Variants in TP53BP2 observed in about 807,000 individuals in gnomAD.
TP53BP2 encodes apoptosis-stimulating of p53 protein 2.
In TP53BP2, 62 loss-of-function variants were observed where a neutral mutation model predicts 126.2. The ratio of observed to expected loss-of-function variants is 0.49; its 90% confidence interval spans 0.40 to 0.61. TP53BP2 has a LOEUF of 0.61. Ranked by LOEUF, TP53BP2 falls within the 20% of genes least tolerant of loss-of-function variation. The probability of loss-of-function intolerance (pLI) is 0.00; values close to 1 mark genes in which losing one functional copy is unlikely to be tolerated. For synonymous variants in TP53BP2, 485 were observed against 502.9 expected (o/e 0.96, Z 0.48); for missense variants, 1,215 against 1,402.8 (o/e 0.87, Z 2.14).
intron 5 of TP53BP2, among the ~76,000 whole-genome samples, chr1:223,805,471 G>A (rs1367511346): frequency 2.6e-5 from 4 of 152,180 alleles, no homozygotes; most frequent in Admixed American, 6.5e-5. Flanking sequence ...ATCCCCAGGT[G>A]ATTCATATGT....
intron 1 of TP53BP2, chr1:223,826,112 C>A (rs747042715): frequency 3.9e-5 from 6 of 152,236 alleles, no homozygotes; most frequent in Non-Finnish European, 7.3e-5. Flanking sequence ...AATGTGCCAA[C>A]CAGAGGCAAC....
At chr1:223,815,397 A>G (rs1401640306) in intron 2 of TP53BP2, among the ~76,000 whole-genome samples, 5 of 152,178 alleles carry the variant, frequency 3.3e-5, no homozygotes, top group African/African-American at 1.2e-4. Flanking sequence ...TCCCCCAAAA[A>G]GGATACACCA....
At chr1:223,798,880 G>A (rs1303780423) in intron 11 of TP53BP2, among the ~76,000 whole-genome samples, 1 of 151,916 alleles carries the variant, frequency 6.6e-6, no homozygotes, top group Non-Finnish European at 1.5e-5. Flanking sequence ...GACCAGCCTG[G>A]CCAATATGGT....
chr1:223,841,990 G>A (rs535502827), intron 1 of TP53BP2, among the ~76,000 whole-genome samples: 35 of 150,700 alleles, frequency 2.3e-4, no homozygotes, highest in African/African-American at 8.3e-4. Context: ...TCCGCCTCAA[G>A]GGTTCAAGAT....
chr1:223,827,848 T>C (rs569111372), intron 1 of TP53BP2, among the ~76,000 whole-genome samples: 50 of 152,292 alleles, frequency 3.3e-4, no homozygotes, highest in African/African-American at 1.2e-3. Context: ...TAACCTATCA[T>C]GTTAACATGA....
chr1:223,806,566 G>A (rs772741462), intron 5 of TP53BP2, among the ~76,000 whole-genome samples: 2 of 152,200 alleles, frequency 1.3e-5, no homozygotes, highest in Non-Finnish European at 2.9e-5. Flanking sequence ...GTTCACGCCT[G>A]TAATCCCAAC....
At position 223,802,722 on chromosome 1, in the gene TP53BP2, C is replaced by T. The variant is rs150044625; in HGVS notation, c.996+9G>A. ...CCTCCCCAAAACCATTACAAAACGG[C>T]CCACTTACTGGTAGATTTTCTTTTT... On this transcript the variant is annotated intron_variant, in intron 8 of 17. Coordinates refer to ENST00000343537, the MANE Select transcript of TP53BP2 (RefSeq NM_001031685.3). 626 of 1,613,852 alleles carry T rather than the reference C, an allele frequency of 3.9e-4. 4 individuals carry two copies. The African/African-American group carries it at 7.6e-3, about 20-fold the overall frequency.
intron 13 of TP53BP2, among the ~76,000 whole-genome samples, chr1:223,794,436 C>T (rs796835870): frequency 4.6e-5 from 7 of 152,314 alleles, no homozygotes; most frequent in African/African-American, 1.7e-4. Context: ...ATGACACTTG[C>T]CGATCCCACT....
intron 8 of TP53BP2, 52 bp downstream of exon 8, chr1:223,802,679 C>G: frequency 6.2e-7 from 1 of 1,600,424 alleles, no homozygotes; most frequent in Admixed American, 1.7e-5. Context: ...CCTCACTGGG[C>G]TGGTCATCTT....
intron 2 of TP53BP2, chr1:223,820,958 G>C (rs978672056): frequency 3.8e-6 from 2 of 523,060 alleles, no homozygotes; most frequent in Non-Finnish European, 6.9e-6. Flanking sequence ...AGACACTGTT[G>C]AGCACCATCC....
chr1:223,841,134 T>G (rs1356156960), intron 1 of TP53BP2, among the ~76,000 whole-genome samples: 1 of 152,048 alleles, frequency 6.6e-6, no homozygotes, highest in Non-Finnish European at 1.5e-5. Flanking sequence ...TCCCAGCTAC[T>G]CGGGAGGCTG....
In TP53BP2 at chr1:223,784,327, C is replaced by G; in HGVS notation, c.3164-13G>C. On this transcript the variant is annotated splice_polypyrimidine_tract_variant and intron_variant, in intron 16 of 17. Coordinates refer to ENST00000343537, the MANE Select transcript of TP53BP2 (RefSeq NM_001031685.3). Reference sequence around the variant, plus strand: ...TTCTCCTGAACTCCTAAAATCATGACAGTAAGATAAAGCACAGAATATACA... The same window carrying G: ...TTCTCCTGAACTCCTAAAATCATGAGAGTAAGATAAAGCACAGAATATACA... 2.5e-6 allele frequency: 4 copies of G among 1,613,414 alleles called. No individual in the cohort carries two copies. The highest frequency in any genetic ancestry group is 3.4e-6 in the Non-Finnish European group (4 of 1,179,544).
At position 223,802,814 on chromosome 1, in the gene TP53BP2, C is replaced by T; in HGVS notation, c.913G>A (p.Ala305Thr). Residue 305 changes from alanine to threonine, a missense_variant, in exon 8 of 18, where the codon GCA becomes ACA. Around this residue, in one of 4 missense-constraint regions of TP53BP2, gnomAD observed 814 missense variants for 853.0 expected, o/e 0.95. Transcript: ENST00000343537. Reference protein sequence around the residue: ...ECLNKRNSEVAVMDKRVNELR... With the variant: ...ECLNKRNSEVTVMDKRVNELR... ...TCATTAACACGCTTATCCATGACTG[C>T]CACTTCTGAATTACGCTTATTCAAA... The T allele has an allele frequency of 6.2e-7, 1 of 1,614,140 alleles. No homozygotes were observed. Among genetic ancestry groups the T allele is most frequent in the African/African-American group, 1.3e-5 (1 of 75,024 alleles).
At chr1:223,822,452 G>A (rs967059969) in intron 1 of TP53BP2, among the ~76,000 whole-genome samples, 7 of 152,082 alleles carry the variant, frequency 4.6e-5, no homozygotes, top group Non-Finnish European at 5.9e-5. Context: ...GATCATGTGA[G>A]TCCAGGAGTT....
chr1:223,797,156 AC>A (rs1156261234), intron 12 of TP53BP2, among the ~76,000 whole-genome samples: 1 of 152,210 alleles, frequency 6.6e-6, no homozygotes, highest in Non-Finnish European at 1.5e-5. Flanking sequence ...TAGCATATAT[AC>A]TGATTCTTTG....
Position 223,845,734 on chromosome 1 carries a change from C to T in TP53BP2, c.-54G>A, listed in dbSNP as rs961336197. The T allele has an allele frequency of 1.4e-6, 2 of 1,474,202 alleles. No homozygotes were observed. The highest frequency in any genetic ancestry group is 1.8e-6 in the Non-Finnish European group (2 of 1,113,286). 91.3% of individuals were successfully genotyped at this position (1,474,202 alleles called of 1,614,324 possible). ...GCCGAGCTGAGGTGCCCCGGAGGGT[C>T]GCGGATGCGGGGGAGGGGAGCGGAG... is the stretch of plus-strand genomic sequence containing the variant. On this transcript the variant is annotated 5_prime_UTR_variant, in exon 1 of 18. Transcript: ENST00000343537.
At chr1:223,797,236 T>G (rs1662356342) in intron 12 of TP53BP2, among the ~76,000 whole-genome samples, 1 of 152,318 alleles carries the variant, frequency 6.6e-6, no homozygotes, top group African/African-American at 2.4e-5. Flanking sequence ...CTATTTTCAT[T>G]CAATTAAAAC....
intron 1 of TP53BP2, among the ~76,000 whole-genome samples, chr1:223,831,646 C>A (rs1663735420): frequency 1.3e-5 from 2 of 148,190 alleles, no homozygotes; most frequent in African/African-American, 2.5e-5. Flanking sequence ...ATAGTTAATA[C>A]AAACTGGGAT....
intron 17 of TP53BP2, among the ~76,000 whole-genome samples, chr1:223,781,627 T>G (rs1379970377): frequency 6.6e-6 from 1 of 152,068 alleles, no homozygotes; most frequent in Non-Finnish European, 1.5e-5. Context: ...TACATCCCAA[T>G]TAAAAAATTT....
Sources: gnomAD v4.1 joint callset for allele counts (sites outside exome capture counted in the v4.1 genomes callset) on GRCh38, gnomAD v4.1.1 for gene constraint, gnomAD v4.1.1 regional missense constraint, MANE v1.5 for transcripts, NCBI Gene and HGNC (gene_info 2026-07-23, HGNC 2026-07-21) for gene names.